EEPD1: variants seen among roughly 807,000 people sequenced by gnomAD.
EEPD1 encodes the protein endonuclease/exonuclease/phosphatase family domain containing 1.
A neutral mutation model predicts 46.3 loss-of-function variants in EEPD1; 17 were observed. The ratio of observed to expected loss-of-function variants is 0.37; its 90% CI spans 0.25 to 0.55. The LOEUF is 0.55. Ranked by LOEUF, EEPD1 falls within the 20% of genes least tolerant of loss-of-function variation. The pLI, the probability that EEPD1 is intolerant of heterozygous loss-of-function variation, is 0.83. For missense variants in EEPD1, 673 were observed against 745.6 expected, an observed-to-expected ratio of 0.90 and a Z score of 1.13; for synonymous variants, 313 against 315.6, an observed-to-expected ratio of 0.99 and a Z score of 0.09.
chr7:36,242,864 G>A (rs769077242), intron 3 of EEPD1, among the ~76,000 whole-genome samples: 9 of 151,840 alleles, frequency 5.9e-5, no homozygotes, highest in Non-Finnish European at 8.8e-5. Context: ...GGGAGGTGGA[G>A]GTTGCAGTGA....
rs1016772814 is a variant in EEPD1 at position 36,193,206 on chromosome 7, G to A, written c.878+38004G>A. On this transcript the variant is annotated intron_variant, in intron 2 of 7. Coordinates refer to ENST00000242108, the MANE Select transcript of EEPD1 (RefSeq NM_030636.3). The surrounding 1 kb of genome is among the most constrained non-coding windows in gnomAD (Gnocchi z 4.9). ...ACCACATCTTGGGGTGAGTGGGATGGCAGGGAAGGGTCCCAGAAGAACTGA... is the reference window on the plus strand; with the variant it reads ...ACCACATCTTGGGGTGAGTGGGATGACAGGGAAGGGTCCCAGAAGAACTGA... Among the ~76,000 whole-genome samples, 2 of 152,216 alleles carry A rather than the reference G, an allele frequency of 1.3e-5. No individual in the cohort carries two copies. The highest frequency in any genetic ancestry group is 1.3e-4 in the Admixed American group (2 of 15,282).
chr7:36,201,726 G>A (rs10234535), intron 2 of EEPD1, among the ~76,000 whole-genome samples: 11,780 of 152,040 alleles, frequency 0.077, 575 homozygotes, highest in Middle Eastern at 0.14. Context: ...CCTTATCTCT[G>A]CCAACCCTCA....
intron 3 of EEPD1, among the ~76,000 whole-genome samples, chr7:36,250,998 A>G (rs1013104756): frequency 5.9e-5 from 9 of 152,220 alleles, no homozygotes; most frequent in African/African-American, 2.2e-4. Context: ...CAGGGGGGCC[A>G]TTTATGTGGT....
intron 3 of EEPD1, among the ~76,000 whole-genome samples, chr7:36,246,459 T>G (rs1434814066): frequency 2.6e-5 from 4 of 152,228 alleles, no homozygotes; most frequent in African/African-American, 9.6e-5. Flanking sequence ...GTTATGTATA[T>G]CGTAAGCACC....
rs115023362 is a variant in EEPD1, at chr7:36,222,331, G to T, written c.879-16654G>T. ...TGTTTACTAGTCATTAAGTGTAGTG[G>T]ATTATCATAAAGGTCTTCATCTTTA... On this transcript the variant is annotated intron_variant, in intron 2 of 7. Coordinates refer to ENST00000242108, the MANE Select transcript of EEPD1 (RefSeq NM_030636.3). Among the ~76,000 whole-genome samples, 1,499 of 152,270 alleles carry T rather than the reference G, an allele frequency of 9.8e-3. 20 individuals carry two copies. The highest frequency in any genetic ancestry group is 0.035 in the African/African-American group (1,438 of 41,536).
chr7:36,293,450 G>T (rs1213058164), intron 6 of EEPD1, among the ~76,000 whole-genome samples: 1 of 152,190 alleles, frequency 6.6e-6, no homozygotes, highest in Admixed American at 6.5e-5. Context: ...GGCCACCGGA[G>T]ATGCTAAATC....
chr7:36,292,573 T>C (rs547093006), intron 6 of EEPD1, among the ~76,000 whole-genome samples: 9 of 152,128 alleles, frequency 5.9e-5, no homozygotes, highest in Admixed American at 2.6e-4. Flanking sequence ...AGTGGAGCCA[T>C]GTTGGCTCAC....
chr7:36,282,727 T>G (rs1205597225), intron 4 of EEPD1, among the ~76,000 whole-genome samples: 1 of 152,212 alleles, frequency 6.6e-6, no homozygotes, highest in Non-Finnish European at 1.5e-5. Context: ...GGAACGGGCA[T>G]GAGGTGGCAG....
chr7:36,279,071 G>A lies in EEPD1; in HGVS notation c.931-2044G>A, dbSNP rs559196578. On this transcript the variant is annotated intron_variant, in intron 3 of 7. Coordinates refer to ENST00000242108, the MANE Select transcript of EEPD1 (RefSeq NM_030636.3). The stretch of plus-strand genomic sequence containing the variant: ...GCAACTACTTGGATAATAGCCTAAG[G>A]AGAAATTCCCACCACCCCGACTCCC... 1.6e-3 allele frequency among the ~76,000 whole-genome samples: 242 copies of A among 148,126 alleles called. 1 individual carries two copies. Among genetic ancestry groups the A allele is most frequent in the Non-Finnish European group, 3.1e-3 (205 of 67,020 alleles).
intron 2 of EEPD1, among the ~76,000 whole-genome samples, chr7:36,209,492 C>T (rs1785885518): frequency 6.6e-6 from 1 of 152,056 alleles, no homozygotes; most frequent in South Asian, 2.1e-4. Flanking sequence ...CGTGGGTGTG[C>T]AGGGGTGTGA....
rs1412196685 is a variant in EEPD1, at chr7:36,196,075, T to TG, written c.878+40875dup. Among the ~76,000 whole-genome samples the TG allele has an allele frequency of 5.9e-5, 9 of 152,316 alleles. 1 individual carries two copies. The Middle Eastern group carries it at 0.017, about 288-fold the overall frequency. Reference sequence around the variant, plus strand: ...ACTGAATATTATAACTGTAACACTATGGTAAGGATTTACCTATCTAGCTAA... The same window carrying TG: ...ACTGAATATTATAACTGTAACACTATGGGTAAGGATTTACCTATCTAGCTAA... On this transcript the variant is annotated intron_variant, in intron 2 of 7. Transcript: ENST00000242108.
At chr7:36,165,586 A>ATTTATTT (rs1784969546) in intron 2 of EEPD1, among the ~76,000 whole-genome samples, 11 of 134,628 alleles carry the variant, frequency 8.2e-5, no homozygotes, top group Non-Finnish European at 1.4e-4. Context: ...CGCCCCAGCT[A>ATTTATTT]ATTTATTTAT....
chr7:36,286,167 A>G (rs1013244909), intron 5 of EEPD1, among the ~76,000 whole-genome samples: 1 of 152,176 alleles, frequency 6.6e-6, no homozygotes, highest in East Asian at 1.9e-4. Flanking sequence ...GGGTATAATG[A>G]GAAAATGCTG....
intron 2 of EEPD1, among the ~76,000 whole-genome samples, chr7:36,160,676 T>TGGC (rs1554308582): frequency 5.2e-4 from 19 of 36,494 alleles, no homozygotes; most frequent in Admixed American, 2.0e-3. Context: ...TGGGAGGTGG[T>TGGC]GGGGGGCGGG....
At chr7:36,279,140 G>GCTGT (rs1787224037) in intron 3 of EEPD1, among the ~76,000 whole-genome samples, 3 of 142,860 alleles carry the variant, frequency 2.1e-5, no homozygotes, top group Non-Finnish European at 4.5e-5. Context: ...TGTTTGTCAT[G>GCTGT]CTGTCATGCA....
chr7:36,285,620 G>T (rs187413173), intron 5 of EEPD1, among the ~76,000 whole-genome samples: 284 of 152,290 alleles, frequency 1.9e-3, no homozygotes, highest in Non-Finnish European at 3.6e-3. Flanking sequence ...CCTTATCCCC[G>T]TGGTCCTTGA....
At chr7:36,171,403 T>C (rs1386653928) in intron 2 of EEPD1, among the ~76,000 whole-genome samples, 6 of 152,216 alleles carry the variant, frequency 3.9e-5, no homozygotes, top group Non-Finnish European at 1.5e-5. Context: ...TTGTAAGTGT[T>C]TAAAATTAAT....
chr7:36,174,983 A>G lies in EEPD1; in HGVS notation c.878+19781A>G, dbSNP rs1332656346. On this transcript the variant is annotated intron_variant, in intron 2 of 7. Transcript: ENST00000242108. Reference sequence around the variant, plus strand: ...ACAGTCATGCAGTGGAAGACGATTTATGGACAGAAGGAGGAAAGTGACGTA... The same window carrying G: ...ACAGTCATGCAGTGGAAGACGATTTGTGGACAGAAGGAGGAAAGTGACGTA... Among the ~76,000 whole-genome samples, 3 of 152,240 alleles carry G rather than the reference A, an allele frequency of 2.0e-5. No homozygotes were observed. The East Asian group carries it at 5.8e-4, about 29-fold the overall frequency.
intron 2 of EEPD1, among the ~76,000 whole-genome samples, chr7:36,214,781 C>A (rs978901828): frequency 1.3e-5 from 2 of 152,218 alleles, no homozygotes; most frequent in African/African-American, 4.8e-5. Flanking sequence ...AGCTTCCCAG[C>A]AGGAATGGAT....
Sources: allele counts gnomAD v4.1 joint callset (sites outside exome capture counted in the v4.1 genomes callset), GRCh38; gene constraint gnomAD v4.1.1; non-coding constraint Gnocchi (gnomAD v3.1); transcripts MANE v1.5; gene names NCBI Gene and HGNC (gene_info 2026-07-23, HGNC 2026-07-21).